CACNA2D2: variants seen among roughly 807,000 people sequenced by gnomAD.
CACNA2D2 encodes voltage-dependent calcium channel subunit alpha-2/delta-2.
In CACNA2D2, 48 loss-of-function variants were observed where a neutral mutation model predicts 166.4. The ratio of observed to expected loss-of-function variants is 0.29; its 90% CI spans 0.23 to 0.37. CACNA2D2 has a LOEUF of 0.37. Among genes scored for constraint, CACNA2D2 ranks in the 10% least tolerant of loss-of-function variants. The probability of loss-of-function intolerance (pLI) is 1.00; values close to 1 mark genes in which losing one functional copy is unlikely to be tolerated. For synonymous variants in CACNA2D2, 561 were observed against 573.7 expected (o/e 0.98, Z 0.32); for missense variants, 1,122 against 1,433.0 (o/e 0.78, Z 3.50).
intron 3 of CACNA2D2, among the ~76,000 whole-genome samples, chr3:50,430,016 G>T (rs146438833): frequency 1.5e-4 from 23 of 152,332 alleles, no homozygotes; most frequent in African/African-American, 5.1e-4. Flanking sequence ...GACCTGAGGG[G>T]CACAGGCATG....
chr3:50,370,868 T>C (rs936805009), intron 22 of CACNA2D2, among the ~76,000 whole-genome samples: 8 of 152,234 alleles, frequency 5.3e-5, no homozygotes, highest in African/African-American at 1.9e-4. Flanking sequence ...GGCTGCGGAT[T>C]TTTCTCTCTC....
intron 23 of CACNA2D2, among the ~76,000 whole-genome samples, chr3:50,370,010 A>C (rs1346391952): frequency 1.3e-5 from 2 of 152,190 alleles, no homozygotes; most frequent in African/African-American, 2.4e-5. Flanking sequence ...CATGCCACAG[A>C]CAGCCACCCC....
In CACNA2D2 at chr3:50,362,624, C is replaced by T. The variant is rs1424792791; in HGVS notation, c.*2042G>A. On this transcript the variant is annotated 3_prime_UTR_variant, in exon 38 of 38. Coordinates refer to ENST00000424201, the MANE Select transcript of CACNA2D2 (RefSeq NM_006030.4). ...GTTATGAGACAATGTATGTCAAGGG[C>T]CTGGCACCTATTATAACTGGTGGAA... is the stretch of plus-strand genomic sequence containing the variant. Among the ~76,000 whole-genome samples, 1 of 147,070 alleles carries T rather than the reference C, an allele frequency of 6.8e-6. No homozygotes were observed. The highest frequency in any genetic ancestry group is 2.5e-5 in the African/African-American group (1 of 39,908).
chr3:50,365,799 T>G lies in CACNA2D2; in HGVS notation c.2915+11A>C. 1.9e-6 allele frequency: 3 copies of G among 1,613,424 alleles called. No homozygotes were observed. The highest frequency in any genetic ancestry group is 2.5e-6 in the Non-Finnish European group (3 of 1,179,986). On this transcript the variant is annotated intron_variant, in intron 33 of 37. Coordinates refer to ENST00000424201, the MANE Select transcript of CACNA2D2 (RefSeq NM_006030.4). This position sits in a 1 kb window ranked among gnomAD's most constrained non-coding sequence, Gnocchi z 4.5. Reference sequence around the variant, plus strand: ...AGCACCTTCTCTACCCACCTCCCGCTCAGGACTCACCAGGCGGCAGCAGAG... The same window carrying G: ...AGCACCTTCTCTACCCACCTCCCGCGCAGGACTCACCAGGCGGCAGCAGAG...
intron 2 of CACNA2D2, among the ~76,000 whole-genome samples, chr3:50,443,703 G>C (rs1708711948): frequency 6.6e-6 from 1 of 152,214 alleles, no homozygotes. Flanking sequence ...ACCCAGAGTT[G>C]GGCCGCTGCC....
chr3:50,497,707 G>A (rs1480727275), intron 1 of CACNA2D2, among the ~76,000 whole-genome samples: 1 of 152,112 alleles, frequency 6.6e-6, no homozygotes, highest in Non-Finnish European at 1.5e-5. Context: ...AGACCCCTGT[G>A]GGGACCTGCA....
chr3:50,370,403 T>A (rs1449627818), intron 22 of CACNA2D2, 23 bp from the exon 23 acceptor site: 5 of 707,506 alleles, frequency 7.1e-6, no homozygotes, highest in African/African-American at 6.3e-5. Context: ...CGGGGGGTTA[T>A]CCGGCGGGGG....
intron 1 of CACNA2D2, among the ~76,000 whole-genome samples, chr3:50,493,731 ACTC>A (rs1248653951): frequency 1.3e-5 from 2 of 151,900 alleles, no homozygotes; most frequent in Non-Finnish European, 2.9e-5. Context: ...CTCAATGCCT[ACTC>A]CTCAAGGGCC....
At chr3:50,484,783 G>A (rs1453365496) in intron 1 of CACNA2D2, among the ~76,000 whole-genome samples, 1 of 152,240 alleles carries the variant, frequency 6.6e-6, no homozygotes, top group Non-Finnish European at 1.5e-5. Flanking sequence ...CCCTGAGCCA[G>A]GAGGCTCCTG....
chr3:50,406,255 G>C (rs140317678), intron 3 of CACNA2D2, among the ~76,000 whole-genome samples: 93 of 151,954 alleles, frequency 6.1e-4, no homozygotes, highest in South Asian at 2.3e-3. Context: ...CTGGCCGCAG[G>C]CTGGCTCATT....
Position 50,380,228 on chromosome 3 carries a change from G to T in CACNA2D2, c.843-210C>A, listed in dbSNP as rs931959757. On this transcript the variant is annotated intron_variant, in intron 8 of 37. Coordinates refer to ENST00000424201, the MANE Select transcript of CACNA2D2 (RefSeq NM_006030.4). The surrounding 1 kb of genome is among the most constrained non-coding windows in gnomAD (Gnocchi z 4.9). ...GGTCTGGTTCCTCAGCAAGGAAAAA[G>T]TACCAGGGGGTATATGAGCAGGTGA... is the stretch of plus-strand genomic sequence containing the variant. Among the ~76,000 whole-genome samples, 1 of 152,266 alleles carries T rather than the reference G, an allele frequency of 6.6e-6. No homozygotes were observed. Among genetic ancestry groups the T allele is most frequent in the African/African-American group, 2.4e-5 (1 of 41,466 alleles).
At chr3:50,393,069 G>A (rs1302162263) in intron 4 of CACNA2D2, among the ~76,000 whole-genome samples, 4 of 152,168 alleles carry the variant, frequency 2.6e-5, no homozygotes, top group Non-Finnish European at 5.9e-5. Flanking sequence ...TTAGGGCTTG[G>A]AGCATAGGCA....
At chr3:50,413,975 G>C (rs529460893) in intron 3 of CACNA2D2, among the ~76,000 whole-genome samples, 1 of 147,558 alleles carries the variant, frequency 6.8e-6, no homozygotes, top group Non-Finnish European at 1.5e-5. Context: ...CTTGAAACCT[G>C]GGACATCCCT....
rs150031515 is a variant in CACNA2D2, at chr3:50,379,125, G to A, written c.1227C>T (p.Asp409=). The change falls in exon 12 of 38, where the codon GAC becomes GAT. Residue 409 remains aspartate (D), a synonymous_variant. Coordinates refer to ENST00000424201, the MANE Select transcript of CACNA2D2 (RefSeq NM_006030.4). The surrounding 1 kb of genome is among the most constrained non-coding windows in gnomAD (Gnocchi z 6.5). Reference sequence around the variant, plus strand: ...TTGGCCAATTGTACTTCTCAAAGACGTCCTGCACGCGGTCCTCACCACCAT... The same window carrying A: ...TTGGCCAATTGTACTTCTCAAAGACATCCTGCACGCGGTCCTCACCACCAT... ...FTDGGEDRVQ[D]VFEKYNWPNR... The A allele has an allele frequency of 8.9e-5, 144 of 1,613,978 alleles. No individual in the cohort carries two copies. In the African/African-American group the frequency reaches 1.2e-3, roughly 14 times the overall value.
At position 50,373,439 on chromosome 3, in the gene CACNA2D2, A is replaced by G. The variant is rs113506599; in HGVS notation, c.1984+1298T>C. Among the ~76,000 whole-genome samples, 6 of 132,948 alleles carry G rather than the reference A, an allele frequency of 4.5e-5. 1 individual carries two copies. Among genetic ancestry groups the G allele is most frequent in the African/African-American group, 1.7e-4 (6 of 35,726 alleles). The allele number at this position is 132,948 out of a possible 152,430, so 87.2% of individuals were successfully genotyped here. ...CTCTCAGGAGAGGCCCAGGATGAGC[A>G]GGGCATGCAGGGGTGAGCCACAGGC... On this transcript the variant is annotated intron_variant, in intron 22 of 37. Transcript: ENST00000424201.
Position 50,364,892 on chromosome 3 carries a change from G to A in CACNA2D2, c.3287C>T (p.Ala1096Val), listed in dbSNP as rs1575577799. The A allele has an allele frequency of 3.1e-6, 5 of 1,613,390 alleles. No homozygotes were observed. The East Asian group carries it at 1.1e-4, about 36-fold the overall frequency. Residue 1096 changes from alanine to valine, a missense_variant, in exon 37 of 38, where the codon GCG becomes GTG. By Grantham distance (64) the Ala-to-Val change is moderately conservative. This residue lies in a region of CACNA2D2 where 282 missense variants were observed against 266.2 expected (regional missense o/e 1.06). Transcript: ENST00000424201. Reference protein sequence around the residue: ...RGPHICFDYNATEDTSDCGRG... With the variant: ...RGPHICFDYNVTEDTSDCGRG... ...TCCACCGCCCCCTCTCCTCACTGTC[G>A]CGTTGTAGTCGAAGCAGATGTGCGG...
chr3:50,475,984 C>A (rs1167412133), intron 2 of CACNA2D2, 134 bp downstream of exon 2: 2 of 719,092 alleles, frequency 2.8e-6, no homozygotes, highest in Admixed American at 4.5e-5. Context: ...TCCCACCTGC[C>A]CCCACGGGCC....
chr3:50,425,702 C>T (rs1217484008), intron 3 of CACNA2D2, among the ~76,000 whole-genome samples: 1 of 152,182 alleles, frequency 6.6e-6, no homozygotes, highest in African/African-American at 2.4e-5. Flanking sequence ...CTGCTCCCTT[C>T]GCCACCTGGG....
At chr3:50,436,560 ACT>A (rs1708359953) in intron 2 of CACNA2D2, among the ~76,000 whole-genome samples, 3 of 152,068 alleles carry the variant, frequency 2.0e-5, no homozygotes, top group Admixed American at 2.0e-4. Context: ...GGAAGCTGAG[ACT>A]CTGCCAAAAG....
Sources: allele counts gnomAD v4.1 joint callset (sites outside exome capture counted in the v4.1 genomes callset), GRCh38; gene constraint gnomAD v4.1.1; regional missense constraint gnomAD v4.1.1; non-coding constraint Gnocchi (gnomAD v3.1); transcripts MANE v1.5; gene names NCBI Gene and HGNC (gene_info 2026-07-23, HGNC 2026-07-21).